CD99L2: variants seen among roughly 807,000 people sequenced by gnomAD.
CD99L2 encodes the protein CD99 molecule like 2, also known as CD99 antigen-like protein 2.
CD99L2 carries 24 observed loss-of-function variants against 27.3 expected under a neutral mutation model. That is an observed-to-expected ratio of 0.88 (90% CI 0.64 to 1.24). CD99L2 has a LOEUF of 1.24. Among genes scored for constraint, CD99L2 ranks in the 50% most tolerant of loss-of-function variants. The probability of loss-of-function intolerance (pLI) is 0.00; values close to 1 mark genes in which losing one functional copy is unlikely to be tolerated. For synonymous variants in CD99L2, 97 were observed against 87.9 expected (o/e 1.10, Z -0.58); for missense variants, 255 against 221.6 (o/e 1.15, Z -0.96).
chrX:150,895,451 T>G (rs782011786), intron 1 of CD99L2, among the ~76,000 whole-genome samples: 1 of 111,619 alleles, frequency 9.0e-6, no homozygotes, highest in Non-Finnish European at 1.9e-5. Flanking sequence ...TGCTAGAGCC[T>G]GGAAGGATTT....
At chrX:150,792,010 G>A (rs1402245369) in intron 7 of CD99L2, among the ~76,000 whole-genome samples, 1 of 112,010 alleles carries the variant, frequency 8.9e-6, no homozygotes, top group Non-Finnish European at 1.9e-5. Context: ...GAAATGTGAT[G>A]TTTTACCTTT....
intron 1 of CD99L2, among the ~76,000 whole-genome samples, chrX:150,851,223 G>A (rs924085306): frequency 8.0e-5 from 9 of 111,895 alleles, no homozygotes; most frequent in African/African-American, 2.9e-4. Context: ...CTGTGCCTTC[G>A]AACTTGGGCA....
chrX:150,774,222 C>G (rs2043511111), intron 9 of CD99L2, among the ~76,000 whole-genome samples: 1 of 112,197 alleles, frequency 8.9e-6, no homozygotes, highest in African/African-American at 3.2e-5. Flanking sequence ...TCAGTTCTAA[C>G]TTTGTCCTAC....
At chrX:150,773,501 G>A (rs2043497648) in intron 9 of CD99L2, among the ~76,000 whole-genome samples, 1 of 112,462 alleles carries the variant, frequency 8.9e-6, no homozygotes, top group Admixed American at 9.4e-5. Context: ...TTTTGTAATG[G>A]GCATGGATGT....
At chrX:150,889,822 CT>C (rs2047473763) in intron 1 of CD99L2, among the ~76,000 whole-genome samples, 2 of 112,663 alleles carry the variant, frequency 1.8e-5, no homozygotes. Flanking sequence ...GTTGTTCTGC[CT>C]ATGGAGTAGC....
intron 1 of CD99L2, among the ~76,000 whole-genome samples, chrX:150,862,731 G>A (rs2046997063): frequency 9.0e-6 from 1 of 110,999 alleles, no homozygotes; most frequent in African/African-American, 3.3e-5. Context: ...TCCTGGGCCT[G>A]GGGAATAGCA....
intron 4 of CD99L2, among the ~76,000 whole-genome samples, chrX:150,810,709 G>T (rs184888206): frequency 2.2e-4 from 25 of 112,195 alleles, no homozygotes; most frequent in African/African-American, 7.8e-4. Context: ...CAAACCTTTA[G>T]CAAGACTGAC....
intron 2 of CD99L2, among the ~76,000 whole-genome samples, chrX:150,825,490 A>G (rs1416694977): frequency 1.8e-5 from 2 of 112,223 alleles, no homozygotes; most frequent in Admixed American, 1.9e-4. Context: ...GTTTCTCTGA[A>G]GATCTGCAGG....
At chrX:150,793,662 G>A (rs782715387) in intron 7 of CD99L2, 29 bp downstream of exon 7, 3 of 1,138,601 alleles carry the variant, frequency 2.6e-6, no homozygotes, top group Admixed American at 2.7e-5. Flanking sequence ...CAGAATAAGG[G>A]TTGTGTTGGC....
chrX:150,859,442 T>G (rs2046940949), intron 1 of CD99L2, among the ~76,000 whole-genome samples: 1 of 109,441 alleles, frequency 9.1e-6, no homozygotes, highest in Admixed American at 9.7e-5. Context: ...GAGATTGCAG[T>G]GAGCCGAGAT....
chrX:150,794,556 G>A (rs1303788977), intron 6 of CD99L2, among the ~76,000 whole-genome samples: 2 of 112,471 alleles, frequency 1.8e-5, no homozygotes, highest in Non-Finnish European at 3.8e-5. Context: ...TAGTCCCACG[G>A]AACCAAGTGT....
At chrX:150,869,139 T>C in intron 1 of CD99L2, among the ~76,000 whole-genome samples, 1 of 111,990 alleles carries the variant, frequency 8.9e-6, no homozygotes. Context: ...AGTAGGAATG[T>C]CTAGGTTCTG....
chrX:150,793,586 C>G (rs1270190992), intron 7 of CD99L2, 105 bp downstream of exon 7: 2 of 666,576 alleles, frequency 3.0e-6, no homozygotes, highest in Non-Finnish European at 4.5e-6. Flanking sequence ...GCTGGGATGT[C>G]TGGGAACTAC....
intron 7 of CD99L2, among the ~76,000 whole-genome samples, chrX:150,778,718 G>C (rs2045458817): frequency 1.0e-5 from 1 of 98,773 alleles, no homozygotes; most frequent in Non-Finnish European, 2.0e-5. Context: ...ATAAATAAAA[G>C]ATTCCTGGGG....
At chrX:150,824,772 A>C (rs1557420891) in intron 2 of CD99L2, among the ~76,000 whole-genome samples, 1 of 112,368 alleles carries the variant, frequency 8.9e-6, no homozygotes, top group Non-Finnish European at 1.9e-5. Context: ...ATTAAATTTC[A>C]ACATGAATTT....
intron 2 of CD99L2, chrX:150,829,716 A>T (rs2046412833): frequency 4.5e-6 from 1 of 223,192 alleles, no homozygotes; most frequent in African/African-American, 3.0e-5. Flanking sequence ...AACAATTTCT[A>T]TCTGTAGATG....
At chrX:150,814,800 G>A in intron 4 of CD99L2, 62 bp downstream of exon 4, 7 of 1,019,577 alleles carry the variant, frequency 6.9e-6, no homozygotes, top group Middle Eastern at 2.5e-4. Flanking sequence ...GGCTCTGTGG[G>A]ATGTTGATGT....
intron 1 of CD99L2, among the ~76,000 whole-genome samples, chrX:150,866,820 C>T (rs2047068691): frequency 9.0e-6 from 1 of 111,554 alleles, no homozygotes; most frequent in Admixed American, 9.5e-5. Context: ...ACAGGTACCC[C>T]TACAATATGT....
intron 4 of CD99L2, among the ~76,000 whole-genome samples, chrX:150,814,200 G>A (rs2046116392): frequency 8.9e-6 from 1 of 112,330 alleles, no homozygotes; most frequent in Admixed American, 9.4e-5. Flanking sequence ...CAGTCCCACG[G>A]AACCAAGTGT....
Sources: allele counts gnomAD v4.1 joint callset (sites outside exome capture counted in the v4.1 genomes callset), GRCh38; gene constraint gnomAD v4.1.1; transcripts MANE v1.5; gene names NCBI Gene and HGNC (gene_info 2026-07-23, HGNC 2026-07-21).